NAALADL2: variants seen among roughly 807,000 people sequenced by gnomAD.
The protein encoded by NAALADL2 is N-acetylated alpha-linked acidic dipeptidase like 2.
NAALADL2 carries 76 observed loss-of-function variants against 87.2 expected under a neutral mutation model. That is an observed-to-expected ratio of 0.87 (90% confidence interval 0.72 to 1.05). The LOEUF (loss-of-function observed/expected upper bound fraction) is 1.05. NAALADL2 is among the 50% of genes least tolerant of loss of function. NAALADL2 has a pLI of 0.00. For synonymous variants in NAALADL2, 354 were observed against 331.0 expected, an observed-to-expected ratio of 1.07 and a Z score of -0.75; for missense variants, 1,089 against 945.8, an observed-to-expected ratio of 1.15 and a Z score of -1.99.
At chr3:174,876,917 A>G (rs971201514) in intron 1 of NAALADL2, among the ~76,000 whole-genome samples, 1 of 152,138 alleles carries the variant, frequency 6.6e-6, no homozygotes, top group African/African-American at 2.4e-5. Flanking sequence ...GCATTAGCAA[A>G]TGTAGATTTG....
intron 4 of NAALADL2, among the ~76,000 whole-genome samples, chr3:175,260,688 TAA>T (rs899623796): frequency 1.4e-4 from 21 of 152,084 alleles, no homozygotes; most frequent in Admixed American, 1.2e-3. Flanking sequence ...GCTGAATGAG[TAA>T]AGAGAAGTTC....
intron 10 of NAALADL2, among the ~76,000 whole-genome samples, chr3:175,619,175 G>A (rs1404020482): frequency 6.6e-6 from 1 of 150,902 alleles, no homozygotes; most frequent in Non-Finnish European, 1.5e-5. Context: ...GTATGCTAAA[G>A]TGAAGCTGTT....
intron 12 of NAALADL2, among the ~76,000 whole-genome samples, chr3:175,743,669 G>C (rs973705243): frequency 6.6e-6 from 1 of 152,220 alleles, no homozygotes; most frequent in African/African-American, 2.4e-5. Context: ...GTAGTGAAAA[G>C]GAGGTAGGAC....
intron 4 of NAALADL2, among the ~76,000 whole-genome samples, chr3:175,260,448 A>G (rs971814304): frequency 7.9e-5 from 12 of 152,186 alleles, no homozygotes; most frequent in African/African-American, 2.4e-4. Context: ...TGTATCTTTC[A>G]ATATACATTC....
At chr3:175,618,743 G>A (rs749959420) in intron 10 of NAALADL2, among the ~76,000 whole-genome samples, 1 of 152,082 alleles carries the variant, frequency 6.6e-6, no homozygotes, top group Non-Finnish European at 1.5e-5. Flanking sequence ...GCCCTTGCAA[G>A]TGCTGCCCAG....
At chr3:175,074,063 CT>C (rs996818176) in intron 1 of NAALADL2, among the ~76,000 whole-genome samples, 1 of 151,732 alleles carries the variant, frequency 6.6e-6, no homozygotes, top group Non-Finnish European at 1.5e-5. Context: ...GGGATTTTAG[CT>C]TTTTTTTACT....
At chr3:175,616,212 A>G (rs897290451) in intron 10 of NAALADL2, among the ~76,000 whole-genome samples, 3 of 148,176 alleles carry the variant, frequency 2.0e-5, no homozygotes, top group Non-Finnish European at 4.5e-5. Context: ...TTCAAAATAT[A>G]TACATTTAAT....
intron 2 of NAALADL2, among the ~76,000 whole-genome samples, chr3:175,182,660 G>A (rs1258675870): frequency 5.2e-5 from 7 of 134,260 alleles, no homozygotes; most frequent in African/African-American, 1.6e-4. Context: ...GCCTCCCAAA[G>A]TGCAAGGATT....
At chr3:174,899,769 T>G (rs1381959243) in intron 1 of NAALADL2, among the ~76,000 whole-genome samples, 1 of 152,086 alleles carries the variant, frequency 6.6e-6, no homozygotes, top group East Asian at 1.9e-4. Context: ...TTTCCAGTGT[T>G]TTTTTCTATG....
At chr3:175,667,743 G>GTTTTTTTTTTTTT (rs58514374) in intron 11 of NAALADL2, among the ~76,000 whole-genome samples, 1 of 120,052 alleles carries the variant, frequency 8.3e-6, no homozygotes, top group Admixed American at 8.6e-5. Flanking sequence ...GTTTTTTGCT[G>GTTTTTTTTTTTTT]TTTTTTTTTT....
intron 11 of NAALADL2, among the ~76,000 whole-genome samples, chr3:175,685,903 T>C (rs1218087993): frequency 6.6e-6 from 1 of 152,208 alleles, no homozygotes; most frequent in African/African-American, 2.4e-5. Flanking sequence ...TAGAACACGT[T>C]TTAAAATTAA....
rs533079072 is a variant in NAALADL2 at position 175,268,673 on chromosome 3, A to G, written c.939+12143A>G. 9.9e-5 allele frequency among the ~76,000 whole-genome samples: 15 copies of G among 152,214 alleles called. No individual in the cohort carries two copies. The South Asian group carries it at 2.3e-3, about 23-fold the overall frequency. On this transcript the variant is annotated intron_variant, in intron 4 of 13. Transcript: ENST00000454872. ...ATATTTTTGTTTATATCCTTGTTCT[A>G]TAGAAGTCCTTTTCTATTTTTAAAA...
chr3:174,708,651 A>G (rs1176485589), intron 2 of NAALADL2, among the ~76,000 whole-genome samples: 1 of 152,144 alleles, frequency 6.6e-6, no homozygotes, highest in Non-Finnish European at 1.5e-5. Flanking sequence ...TTGTCCTTCA[A>G]AATATATCTA....
At chr3:174,985,607 A>G (rs1745746592) in intron 1 of NAALADL2, among the ~76,000 whole-genome samples, 1 of 152,186 alleles carries the variant, frequency 6.6e-6, no homozygotes, top group African/African-American at 2.4e-5. Context: ...AAGGCCATCA[A>G]AAGTGGTATT....
intron 9 of NAALADL2, 72 bp downstream of exon 9, chr3:175,471,830 A>AT (rs1582031390): frequency 3.9e-6 from 5 of 1,284,470 alleles, no homozygotes; most frequent in East Asian, 5.3e-5. Context: ...ACATTTCTTG[A>AT]TTTTTTCATT....
intron 5 of NAALADL2, among the ~76,000 whole-genome samples, chr3:175,334,552 C>T (rs1761784087): frequency 6.6e-6 from 1 of 152,232 alleles, no homozygotes; most frequent in Admixed American, 6.5e-5. Context: ...AGGAAATAAG[C>T]ATATACACAT....
rs899205409 is a variant in NAALADL2 at position 175,808,960 on chromosome 3, T to C, written c.*5757T>C. On this transcript the variant is annotated 3_prime_UTR_variant, in exon 14 of 14. Transcript: ENST00000454872. ...ACTCTCCAACTTCTTCAAAGGGCCT[T>C]TATTCAATATGTTACCACTCATATG... 1 of 152,006 alleles carries C rather than the reference T, an allele frequency of 6.6e-6. No individual in the cohort carries two copies. The highest frequency in any genetic ancestry group is 1.5e-5 in the Non-Finnish European group (1 of 67,972). The allele number at this position is 152,006 out of a possible 1,614,324, so 9.4% of individuals were successfully genotyped here. A position where few individuals can be genotyped will look rare whatever the true frequency, so the allele number is the denominator to read the frequency against.
Position 175,437,272 on chromosome 3 carries a change from GTACAAAAATCACAAGCATTCTTA to G in NAALADL2, c.1091-9952_1091-9930del, listed in dbSNP as rs1365550566. The stretch of plus-strand genomic sequence containing the variant: ...CAAAGTCTCAGGATACAAAATCAAT[GTACAAAAATCACAAGCATTCTTA>G]TACACCAACAACAGACAAACAGAGA... On this transcript the variant is annotated intron_variant, in intron 5 of 13. Coordinates refer to ENST00000454872, the MANE Select transcript of NAALADL2 (RefSeq NM_207015.3). 3.5e-3 allele frequency among the ~76,000 whole-genome samples: 520 copies of G among 147,148 alleles called. 1 individual carries two copies. The highest frequency in any genetic ancestry group is 0.012 in the African/African-American group (491 of 40,026).
intron 2 of NAALADL2, among the ~76,000 whole-genome samples, chr3:175,173,304 TAAATA>T (rs1278155991): frequency 3.4e-4 from 32 of 93,146 alleles, no homozygotes; most frequent in Non-Finnish European, 6.6e-4. Context: ...AATAAATAAA[TAAATA>T]AAATAAATAA....
Sources: gnomAD v4.1 joint callset for allele counts (sites outside exome capture counted in the v4.1 genomes callset) on GRCh38, gnomAD v4.1.1 for gene constraint, MANE v1.5 for transcripts, NCBI Gene and HGNC (gene_info 2026-07-23, HGNC 2026-07-21) for gene names.